MACROD2: variants seen among roughly 807,000 people sequenced by gnomAD.
MACROD2 encodes mono-ADP ribosylhydrolase 2.
In MACROD2, 36 loss-of-function variants were observed where a neutral mutation model predicts 70.4. That is an observed-to-expected ratio of 0.51 (90% CI 0.39 to 0.68). MACROD2 has a LOEUF of 0.68. Among genes scored for constraint, MACROD2 ranks in the 30% least tolerant of loss-of-function variants. The pLI is 0.00. For synonymous variants in MACROD2, 172 were observed against 178.8 expected (o/e 0.96, Z 0.30); for missense variants, 496 against 538.4 (o/e 0.92, Z 0.78).
chr20:15,633,882 A>G (rs2049327480), intron 8 of MACROD2, among the ~76,000 whole-genome samples: 2 of 152,214 alleles, frequency 1.3e-5, no homozygotes, highest in Admixed American at 1.3e-4. Context: ...GAAAAAGTTC[A>G]ACCTCTTTTG....
chr20:15,880,906 AC>A (rs1160160084), intron 9 of MACROD2, among the ~76,000 whole-genome samples: 5 of 151,976 alleles, frequency 3.3e-5, no homozygotes, highest in Non-Finnish European at 7.4e-5. Context: ...ACTCTTTAAG[AC>A]TCAGCTGAAG....
intron 5 of MACROD2, among the ~76,000 whole-genome samples, chr20:14,913,209 G>C (rs2074050146): frequency 6.6e-6 from 1 of 152,044 alleles, no homozygotes; most frequent in Non-Finnish European, 1.5e-5. Context: ...AAATTAAGTA[G>C]AAATTTTATA....
At chr20:14,810,736 A>C (rs1363065576) in intron 5 of MACROD2, among the ~76,000 whole-genome samples, 1 of 152,190 alleles carries the variant, frequency 6.6e-6, no homozygotes, top group Admixed American at 6.6e-5. Context: ...GAACTTCAGC[A>C]AAGTCTCAGG....
intron 6 of MACROD2, among the ~76,000 whole-genome samples, chr20:15,333,386 C>G (rs1308397246): frequency 6.6e-6 from 1 of 151,618 alleles, no homozygotes; most frequent in Non-Finnish European, 1.5e-5. Context: ...TTTCCTTTCT[C>G]CTCGAAAGCG....
At chr20:15,732,114 G>A (rs1244189550) in intron 8 of MACROD2, among the ~76,000 whole-genome samples, 1 of 150,734 alleles carries the variant, frequency 6.6e-6, no homozygotes, top group Non-Finnish European at 1.5e-5. Flanking sequence ...TGGGGATGGG[G>A]TTGCTATTGT....
chr20:15,096,120 G>C (rs1443720231), intron 5 of MACROD2, among the ~76,000 whole-genome samples: 1 of 152,098 alleles, frequency 6.6e-6, no homozygotes, highest in African/African-American at 2.4e-5. Context: ...TACAATTAAA[G>C]TTCTGAGAAA....
At chr20:14,737,045 G>T (rs961461066) in intron 5 of MACROD2, among the ~76,000 whole-genome samples, 1 of 151,898 alleles carries the variant, frequency 6.6e-6, no homozygotes, top group East Asian at 1.9e-4. Context: ...ATGGTGGTTT[G>T]CTGCACCCAT....
At chr20:14,448,589 A>G (rs1461649100) in intron 3 of MACROD2, among the ~76,000 whole-genome samples, 1 of 151,892 alleles carries the variant, frequency 6.6e-6, no homozygotes, top group East Asian at 1.9e-4. Context: ...ATGCAGGAGA[A>G]TGTCTTTAAT....
intron 8 of MACROD2, among the ~76,000 whole-genome samples, chr20:15,569,661 T>A (rs1233751): frequency 5.9e-5 from 9 of 151,996 alleles, no homozygotes; most frequent in African/African-American, 1.2e-4. Flanking sequence ...TTTCTGTGCC[T>A]GGCTTATTTT....
intron 11 of MACROD2, 132 bp from the exon 12 acceptor site, chr20:15,937,344 T>C: frequency 1.4e-6 from 1 of 734,890 alleles, no homozygotes; most frequent in Non-Finnish European, 2.4e-6. Flanking sequence ...CAAAGAGCAT[T>C]CAGTGTATTC....
intron 8 of MACROD2, among the ~76,000 whole-genome samples, chr20:15,534,534 A>G (rs2047848015): frequency 6.6e-6 from 1 of 152,200 alleles, no homozygotes; most frequent in Admixed American, 6.5e-5. Context: ...ACTGAACAAA[A>G]GTAATTTATG....
At chr20:14,045,201 C>T (rs1052447678) in intron 2 of MACROD2, among the ~76,000 whole-genome samples, 10 of 152,242 alleles carry the variant, frequency 6.6e-5, no homozygotes, top group African/African-American at 1.2e-4. Flanking sequence ...GAGCCGGCTC[C>T]GGCCTTGGCC....
intron 4 of MACROD2, among the ~76,000 whole-genome samples, chr20:14,610,416 ACT>A (rs1178968886): frequency 6.6e-6 from 1 of 151,948 alleles, no homozygotes; most frequent in African/African-American, 2.4e-5. Flanking sequence ...AATATTTGTC[ACT>A]CTGTGTTATA....
At chr20:15,012,361 G>C (rs1294689613) in intron 5 of MACROD2, among the ~76,000 whole-genome samples, 2 of 152,110 alleles carry the variant, frequency 1.3e-5, no homozygotes, top group Non-Finnish European at 2.9e-5. Flanking sequence ...AACTTAAAAA[G>C]TGTGAGGAAG....
intron 8 of MACROD2, among the ~76,000 whole-genome samples, chr20:15,771,842 T>A (rs1226221512): frequency 1.3e-5 from 2 of 151,368 alleles, no homozygotes; most frequent in African/African-American, 4.8e-5. Flanking sequence ...CCCAGCACTT[T>A]GGGAGGCCGA....
chr20:15,145,001 G>T (rs2076220212), intron 5 of MACROD2, among the ~76,000 whole-genome samples: 1 of 152,058 alleles, frequency 6.6e-6, no homozygotes, highest in African/African-American at 2.4e-5. Context: ...ATGAGGGAGT[G>T]GTGCCTGGCA....
intron 5 of MACROD2, among the ~76,000 whole-genome samples, chr20:15,163,428 A>G (rs1601162411): frequency 6.6e-6 from 1 of 152,084 alleles, no homozygotes; most frequent in Non-Finnish European, 1.5e-5. Flanking sequence ...CTATAATTTT[A>G]GTAGGAGATT....
At chr20:14,559,079 T>G (rs1979251266) in intron 4 of MACROD2, among the ~76,000 whole-genome samples, 1 of 151,740 alleles carries the variant, frequency 6.6e-6, no homozygotes, top group African/African-American at 2.4e-5. Context: ...GTAATTAAAA[T>G]GAATGAGAAG....
At chr20:16,001,898 CTT>C (rs1212126200) in intron 15 of MACROD2, among the ~76,000 whole-genome samples, 4 of 151,874 alleles carry the variant, frequency 2.6e-5, no homozygotes, top group Non-Finnish European at 2.9e-5. Flanking sequence ...ATATTTTACA[CTT>C]TGTTACATTA....
Sources: gnomAD v4.1 joint callset for allele counts (sites outside exome capture counted in the v4.1 genomes callset) on GRCh38, gnomAD v4.1.1 for gene constraint, MANE v1.5 for transcripts, NCBI Gene and HGNC (gene_info 2026-07-23, HGNC 2026-07-21) for gene names.